Variants in TRAF6 observed in about 807,000 individuals in gnomAD.
TRAF6 encodes the protein TNF receptor-associated factor 6.
A neutral mutation model predicts 48.4 loss-of-function variants in TRAF6; 10 were observed. That is an observed-to-expected ratio of 0.21 (90% CI 0.13 to 0.35). TRAF6 has a LOEUF of 0.35. Ranked by LOEUF, TRAF6 falls within the 10% of genes least tolerant of loss-of-function variation. The pLI is 1.00. For synonymous variants in TRAF6, 186 were observed against 219.6 expected (o/e 0.85, Z 1.35); for missense variants, 397 against 661.0 (o/e 0.60, Z 4.38).
chr11:36,500,283 G>T (rs975900717), intron 2 of TRAF6, among the ~76,000 whole-genome samples: 1 of 152,170 alleles, frequency 6.6e-6, no homozygotes, highest in South Asian at 2.1e-4. Flanking sequence ...GTGGTGAGGG[G>T]ACCTATGAGA....
intron 2 of TRAF6, among the ~76,000 whole-genome samples, 168 bp from the exon 3 acceptor site, chr11:36,498,808 T>C (rs1859676942): frequency 6.6e-6 from 1 of 152,228 alleles, no homozygotes; most frequent in African/African-American, 2.4e-5. Context: ...ATGGAGAGCT[T>C]ACAAACTGTT....
chr11:36,503,787 G>C (rs1207394424), intron 1 of TRAF6, among the ~76,000 whole-genome samples: 1 of 152,052 alleles, frequency 6.6e-6, no homozygotes, highest in Non-Finnish European at 1.5e-5. Context: ...CCAAATCTGA[G>C]GACAAATGAT....
At chr11:36,506,445 T>C (rs1472901665) in intron 1 of TRAF6, among the ~76,000 whole-genome samples, 1 of 152,186 alleles carries the variant, frequency 6.6e-6, no homozygotes, top group African/African-American at 2.4e-5. Flanking sequence ...AAAATCACTT[T>C]TGAGAAATTA....
intron 6 of TRAF6, among the ~76,000 whole-genome samples, chr11:36,491,749 T>G (rs1859566918): frequency 6.6e-6 from 1 of 152,232 alleles, no homozygotes; most frequent in African/African-American, 2.4e-5. Flanking sequence ...ATACGCCATA[T>G]GATCTCAATC....
chr11:36,502,842 T>C (rs753930639), intron 1 of TRAF6, among the ~76,000 whole-genome samples: 4 of 152,202 alleles, frequency 2.6e-5, no homozygotes, highest in Non-Finnish European at 5.9e-5. Flanking sequence ...ATCTGTAAAA[T>C]GGTTCTAACA....
intron 1 of TRAF6, among the ~76,000 whole-genome samples, chr11:36,509,793 G>C (rs532253842): frequency 6.6e-5 from 10 of 152,264 alleles, no homozygotes; most frequent in African/African-American, 2.4e-4. Flanking sequence ...GAGGGGCAGG[G>C]AACGGTGTCC....
intron 6 of TRAF6, among the ~76,000 whole-genome samples, chr11:36,491,863 C>T (rs748790221): frequency 8.5e-5 from 13 of 152,214 alleles, no homozygotes; most frequent in Non-Finnish European, 1.6e-4. Flanking sequence ...AGTCATCCCA[C>T]CTGTTCCCTA....
Position 36,501,373 on chromosome 11 carries a change from G to A in TRAF6, c.143C>T (p.Ser48Leu). The change falls in exon 2 of 7, where the codon TCA (serine) becomes TTA (leucine). Residue 48 changes from serine (S) to leucine (L), a missense_variant. Transcript: ENST00000526995. ...GTASTGNLSS[S>L]FMEEIQGYDV... ...ATATCCCTGGATCTCCTCCATAAAT[G>A]AGCTGGAGAGGTTCCCCGTGCTGGC... 1 of 1,614,066 alleles carries A rather than the reference G, an allele frequency of 6.2e-7. No individual in the cohort carries two copies. Among genetic ancestry groups the A allele is most frequent in the South Asian group, 1.1e-5 (1 of 91,082 alleles).
intron 5 of TRAF6, among the ~76,000 whole-genome samples, chr11:36,494,774 A>C (rs961036499): frequency 7.1e-4 from 108 of 152,140 alleles, no homozygotes; most frequent in African/African-American, 2.6e-3. Flanking sequence ...AGGAATTTTA[A>C]GTACTTAAAA....
At chr11:36,503,627 C>T (rs887038097) in intron 1 of TRAF6, among the ~76,000 whole-genome samples, 8 of 152,108 alleles carry the variant, frequency 5.3e-5, no homozygotes, top group Non-Finnish European at 8.8e-5. Context: ...TTAAAAATAG[C>T]TCCCATGGCC....
Position 36,502,409 on chromosome 11 carries a change from G to A in TRAF6, c.-22-872C>T, listed in dbSNP as rs376896251. On this transcript the variant is annotated intron_variant, in intron 1 of 6. Coordinates refer to ENST00000526995, the MANE Select transcript of TRAF6 (RefSeq NM_004620.4). The stretch of plus-strand genomic sequence containing the variant: ...CTAAACCATTATGGTATTTACAGGC[G>A]AGAAGCTAATATTTAAAAGCAATTC... Among the ~76,000 whole-genome samples the A allele has an allele frequency of 9.2e-5, 14 of 152,212 alleles. 1 individual carries two copies. The highest frequency in any genetic ancestry group is 2.4e-4 in the African/African-American group (10 of 41,514).
At chr11:36,501,600 A>C in intron 1 of TRAF6, 63 bp from the exon 2 acceptor site, 2 of 1,216,166 alleles carry the variant, frequency 1.6e-6, no homozygotes, top group Non-Finnish European at 2.3e-6. Flanking sequence ...CCCCACACAT[A>C]TATATCATAG....
At chr11:36,504,534 T>C (rs1213807059) in intron 1 of TRAF6, among the ~76,000 whole-genome samples, 1 of 152,188 alleles carries the variant, frequency 6.6e-6, no homozygotes, top group African/African-American at 2.4e-5. Flanking sequence ...ATTTCTACCA[T>C]CTTCAGTGAC....
Position 36,497,285 on chromosome 11 carries a change from T to C in TRAF6, c.448-19A>G. The stretch of plus-strand genomic sequence containing the variant: ...GATGATCCTATAATTAAAAAAATAA[T>C]GGATTAGCATTAGCCAACTCTGAAG... On this transcript the variant is annotated intron_variant, in intron 3 of 6. Transcript: ENST00000526995. 3 of 1,600,458 alleles carry C rather than the reference T, an allele frequency of 1.9e-6. No individual in the cohort carries two copies. The highest frequency in any genetic ancestry group is 2.6e-6 in the Non-Finnish European group (3 of 1,175,524).
chr11:36,500,434 G>A (rs1859700742), intron 2 of TRAF6, among the ~76,000 whole-genome samples: 2 of 152,176 alleles, frequency 1.3e-5, no homozygotes, highest in South Asian at 4.1e-4. Flanking sequence ...GAATGAATGG[G>A]TAGAAGGACA....
intron 1 of TRAF6, among the ~76,000 whole-genome samples, chr11:36,507,976 C>T (rs1262215940): frequency 6.6e-6 from 1 of 151,432 alleles, no homozygotes; most frequent in Non-Finnish European, 1.5e-5. Flanking sequence ...CCACCTCAGT[C>T]TCCCAAGTAG....
Position 36,490,398 on chromosome 11 carries a change from G to C in TRAF6, c.1009C>G (p.Leu337Val). ...TCGATTTCAGCAACTTTGTCCTCAA[G>C]GGTTCGAATGGTTCGTTTGAGCTCA... ...VSELKRTIRT[L>V]EDKVAEIEAQ... Residue 337 changes from leucine (L) to valine (V), a missense_variant, in exon 7 of 7, where the codon CTT (leucine) becomes GTT (valine). Around this residue, in one of 4 missense-constraint regions of TRAF6, gnomAD observed 245 missense variants for 349.1 expected, o/e 0.70. Coordinates refer to ENST00000526995, the MANE Select transcript of TRAF6 (RefSeq NM_004620.4). This position sits in a 1 kb window ranked among gnomAD's most constrained non-coding sequence, Gnocchi z 6.4. The C allele has an allele frequency of 6.2e-7, 1 of 1,614,164 alleles. No homozygotes were observed. Among genetic ancestry groups the C allele is most frequent in the Non-Finnish European group, 8.5e-7 (1 of 1,180,046 alleles).
chr11:36,486,794 A>G lies in TRAF6; in HGVS notation c.*3044T>C, dbSNP rs1859490988. Among the ~76,000 whole-genome samples, 1 of 152,146 alleles carries G rather than the reference A, an allele frequency of 6.6e-6. No homozygotes were observed. Among genetic ancestry groups the G allele is most frequent in the South Asian group, 2.1e-4 (1 of 4,834 alleles). On this transcript the variant is annotated 3_prime_UTR_variant, in exon 7 of 7. Coordinates refer to ENST00000526995, the MANE Select transcript of TRAF6 (RefSeq NM_004620.4). ...TATGACGTGCAGCAAGTTTCATCCAACAGTGGGTTGGACGCTGGGCGTGGT... is the reference window on the plus strand; with the variant it reads ...TATGACGTGCAGCAAGTTTCATCCAGCAGTGGGTTGGACGCTGGGCGTGGT...
rs1402514416 is a variant in TRAF6, at chr11:36,484,496, T to G, written c.*5342A>C. The stretch of plus-strand genomic sequence containing the variant: ...TTCATTCCACAGCTTGTCATACAGT[T>G]TACAGAATTATGAGAATCCTCCCTG... On this transcript the variant is annotated 3_prime_UTR_variant, in exon 7 of 7. Coordinates refer to ENST00000526995, the MANE Select transcript of TRAF6 (RefSeq NM_004620.4). 2.6e-5 allele frequency among the ~76,000 whole-genome samples: 4 copies of G among 152,194 alleles called. No homozygotes were observed. The highest frequency in any genetic ancestry group is 5.9e-5 in the Non-Finnish European group (4 of 68,044).
Sources: allele counts gnomAD v4.1 joint callset (sites outside exome capture counted in the v4.1 genomes callset), GRCh38; gene constraint gnomAD v4.1.1; regional missense constraint gnomAD v4.1.1; non-coding constraint Gnocchi (gnomAD v3.1); transcripts MANE v1.5; gene names NCBI Gene and HGNC (gene_info 2026-07-23, HGNC 2026-07-21).